CLEC2A: variants seen among roughly 807,000 people sequenced by gnomAD.
The protein encoded by CLEC2A is C-type lectin domain family 2 member A.
CLEC2A carries 19 observed loss-of-function variants against 18.6 expected under a neutral mutation model. That is an observed-to-expected ratio of 1.02 (90% confidence interval 0.71 to 1.50). The LOEUF (loss-of-function observed/expected upper bound fraction) is 1.50. CLEC2A is among the 40% of genes most tolerant of loss of function. The pLI, the probability that CLEC2A is intolerant of heterozygous loss-of-function variation, is 0.00. For missense variants in CLEC2A, 190 were observed against 207.9 expected (o/e 0.91, Z 0.53); for synonymous variants, 74 against 64.0 (o/e 1.16, Z -0.75).
chr12:9,908,400 T>C (rs966774599), downstream of CLEC2A, among the ~76,000 whole-genome samples: 3 of 152,344 alleles, frequency 2.0e-5, no homozygotes, highest in African/African-American at 7.2e-5. Context: ...TGATCGGTTT[T>C]TATACTGACT....
At position 9,903,171 on chromosome 12, in the gene CLEC2A, C is replaced by T. The variant is rs148388472; in HGVS notation, c.411-4195G>A. Among the ~76,000 whole-genome samples, 245 of 151,840 alleles carry T rather than the reference C, an allele frequency of 1.6e-3. 4 individuals are homozygous for T. The highest frequency in any genetic ancestry group is 0.014 in the Admixed American group (214 of 15,254). On this transcript the variant is annotated intron_variant, in intron 4 of 4. Transcript: ENST00000339766. ...GGAATTTATAATCTCTGGCAATTTC[C>T]CTCTTTGTTTTTTTTTTTAATAATT...
intron 4 of CLEC2A, among the ~76,000 whole-genome samples, chr12:9,907,736 A>C (rs1431388946): frequency 2.0e-5 from 3 of 152,184 alleles, no homozygotes; most frequent in Non-Finnish European, 2.9e-5. Context: ...TTTGGCCAAA[A>C]AGGCTAGGGG....
chr12:9,889,633 T>C, the CLEC2A span, among the ~76,000 whole-genome samples: 1 of 148,920 alleles, frequency 6.7e-6, no homozygotes, highest in Non-Finnish European at 1.5e-5. Context: ...TCTCTCTCTA[T>C]ATGTGTATAT....
At chr12:9,914,600 A>G (rs1023415127) in intron 4 of CLEC2A, among the ~76,000 whole-genome samples, 1 of 152,212 alleles carries the variant, frequency 6.6e-6, no homozygotes, top group Non-Finnish European at 1.5e-5. Flanking sequence ...CCTGACAAAA[A>G]CAAGCAATGG....
chr12:9,916,764 TC>T lies in CLEC2A; in HGVS notation c.345del (p.Trp115Ter). The stretch of plus-strand genomic sequence containing the variant: ...TCTCCTTGTTTCCTGCTTAGTCCAA[TC>T]CAGTGCATATCAGTTCCTGCGTACC... ...LKRYAGTDMH[W>X]IGLSRKQGDS... On this transcript the variant is annotated frameshift_variant, in exon 4 of 5. Coordinates refer to ENST00000455827, the MANE Select transcript of CLEC2A (RefSeq NM_001130711.2). LOFTEE classifies it high-confidence loss of function. The T allele has an allele frequency of 6.4e-7, 1 of 1,551,482 alleles. No homozygotes were observed. Among genetic ancestry groups the T allele is most frequent in the Non-Finnish European group, 8.7e-7 (1 of 1,146,666 alleles).
intron 1 of CLEC2A, among the ~76,000 whole-genome samples, chr12:9,927,594 T>C (rs373741953): frequency 3.3e-5 from 5 of 152,130 alleles, no homozygotes; most frequent in South Asian, 4.1e-4. Flanking sequence ...TAAAAAGAAG[T>C]CATGTTTTCT....
chr12:9,895,597 A>T, downstream of CLEC2A: 3 of 1,211,590 alleles, frequency 2.5e-6, no homozygotes, highest in Non-Finnish European at 3.3e-6. Context: ...GCTGCTGAAG[A>T]ATTACCTATA....
the CLEC2A span, among the ~76,000 whole-genome samples, chr12:9,880,064 C>T: frequency 2.7e-4 from 41 of 152,154 alleles, no homozygotes; most frequent in African/African-American, 9.7e-4. Flanking sequence ...ATGTAAAATA[C>T]GGCAGCTGGA....
downstream of CLEC2A, among the ~76,000 whole-genome samples, chr12:9,911,490 C>T (rs1036186000): frequency 6.6e-6 from 1 of 152,182 alleles, no homozygotes; most frequent in Non-Finnish European, 1.5e-5. Flanking sequence ...ATTCTCAAAA[C>T]CCCAAAAGTA....
chr12:9,893,874 T>C (rs886430295), downstream of CLEC2A, among the ~76,000 whole-genome samples: 16 of 152,138 alleles, frequency 1.1e-4, no homozygotes, highest in Non-Finnish European at 1.8e-4. Flanking sequence ...ATGCAAATAC[T>C]TCTCATGTGG....
chr12:9,888,752 C>A, the CLEC2A span: 2 of 1,501,992 alleles, frequency 1.3e-6, no homozygotes, highest in Non-Finnish European at 1.8e-6. Flanking sequence ...TGGATTTCTC[C>A]CAGAATGTAA....
In CLEC2A at chr12:9,930,186, T is replaced by C. The variant is rs546260734; in HGVS notation, c.55+2089A>G. On this transcript the variant is annotated intron_variant, in intron 1 of 4. Coordinates refer to ENST00000455827, the MANE Select transcript of CLEC2A (RefSeq NM_001130711.2). ...AGATGGCATTCTCCCTGTATATGGA[T>C]CCGTCTCTAAATTTTCCTTTTTTAT... Among the ~76,000 whole-genome samples the C allele has an allele frequency of 1.3e-4, 20 of 152,280 alleles. No individual in the cohort carries two copies. In the East Asian group the frequency reaches 2.1e-3, roughly 16 times the overall value.
chr12:9,888,722 A>G, the CLEC2A span: 1 of 1,445,876 alleles, frequency 6.9e-7, no homozygotes, highest in Non-Finnish European at 9.4e-7. Flanking sequence ...TTTTCTTTGC[A>G]CTGAGTACAG....
the CLEC2A span, chr12:9,888,817 G>A: frequency 2.2e-5 from 29 of 1,331,046 alleles, no homozygotes; most frequent in African/African-American, 3.9e-4. Flanking sequence ...CTACTCTTAG[G>A]GGTAAATTTA....
downstream of CLEC2A, among the ~76,000 whole-genome samples, chr12:9,894,183 CT>C (rs1246898271): frequency 8.1e-6 from 1 of 123,594 alleles, no homozygotes; most frequent in African/African-American, 3.1e-5. Context: ...TTCTTTCTTT[CT>C]TTCTTTCTTT....
the CLEC2A span, among the ~76,000 whole-genome samples, chr12:9,884,350 G>C: frequency 2.5e-3 from 382 of 151,958 alleles, 3 homozygotes; most frequent in African/African-American, 8.6e-3. Flanking sequence ...CCTGTCTAAA[G>C]AGTCAAACCC....
At chr12:9,893,664 T>C in the CLEC2A span, 1 of 431,446 alleles carries the variant, frequency 2.3e-6, no homozygotes, top group Non-Finnish European at 4.0e-6. Flanking sequence ...CATTTTTTTC[T>C]ACTTTTTCCC....
chr12:9,913,704 G>A, intron 4 of CLEC2A, 24 bp from the exon 5 acceptor site: 1 of 1,424,354 alleles, frequency 7.0e-7, no homozygotes, highest in Non-Finnish European at 9.5e-7. Context: ...CTCTAAATCA[G>A]TCTGGGAACC....
chr12:9,930,969 T>G (rs1342961083), intron 1 of CLEC2A, among the ~76,000 whole-genome samples: 1 of 152,126 alleles, frequency 6.6e-6, no homozygotes, highest in African/African-American at 2.4e-5. Context: ...TATTTTCACT[T>G]GGTTTTTATT....
Sources: gnomAD v4.1 joint callset for allele counts (sites outside exome capture counted in the v4.1 genomes callset) on GRCh38, gnomAD v4.1.1 for gene constraint, MANE v1.5 for transcripts, NCBI Gene and HGNC (gene_info 2026-07-23, HGNC 2026-07-21) for gene names.